The following FAM168A variants were observed in gnomAD, a reference collection of about 807,000 sequenced individuals.
FAM168A encodes the protein protein FAM168A.
Under a neutral mutation model 28.5 loss-of-function variants are expected in FAM168A, and 3 were observed. The ratio of observed to expected loss-of-function variants is 0.11; its 90% CI spans 0.05 to 0.27. The LOEUF (loss-of-function observed/expected upper bound fraction) is 0.27. Among genes scored for constraint, FAM168A ranks in the 10% least tolerant of loss-of-function variants. The pLI, the probability that FAM168A is intolerant of heterozygous loss-of-function variation, is 1.00. For synonymous variants in FAM168A, 122 were observed against 124.2 expected, an observed-to-expected ratio of 0.98 and a Z score of 0.12; for missense variants, 222 against 311.5, an observed-to-expected ratio of 0.71 and a Z score of 2.16.
chr11:73,494,661 T>C (rs1229882145), intron 1 of FAM168A, among the ~76,000 whole-genome samples: 1 of 151,912 alleles, frequency 6.6e-6, no homozygotes, highest in Non-Finnish European at 1.5e-5. Context: ...AATGAAGAGG[T>C]AGATTCCTAG....
At chr11:73,470,035 C>G (rs1867791563) in intron 1 of FAM168A, among the ~76,000 whole-genome samples, 1 of 152,150 alleles carries the variant, frequency 6.6e-6, no homozygotes, top group South Asian at 2.1e-4. Context: ...CCTCAGCCTC[C>G]CGAGTAGCTG....
chr11:73,417,809 T>A (rs766246816), intron 4 of FAM168A, among the ~76,000 whole-genome samples: 2 of 152,104 alleles, frequency 1.3e-5, no homozygotes, highest in African/African-American at 2.4e-5. Context: ...TCCGCCCACC[T>A]CGGCCTCCCA....
At chr11:73,547,149 G>A (rs897650245) in intron 1 of FAM168A, among the ~76,000 whole-genome samples, 1 of 147,126 alleles carries the variant, frequency 6.8e-6, no homozygotes, top group East Asian at 2.1e-4. Flanking sequence ...GGAGGAGTAG[G>A]CAGAGGAAAA....
At chr11:73,449,412 G>A (rs765649525) in intron 2 of FAM168A, among the ~76,000 whole-genome samples, 4 of 152,154 alleles carry the variant, frequency 2.6e-5, no homozygotes, top group Non-Finnish European at 2.9e-5. Context: ...ATCTGGCACT[G>A]GATTTACTAG....
chr11:73,411,045 A>C (rs762566023), intron 5 of FAM168A, among the ~76,000 whole-genome samples: 1 of 152,226 alleles, frequency 6.6e-6, no homozygotes, highest in Non-Finnish European at 1.5e-5. Flanking sequence ...ACCTTGACCA[A>C]CCAATAGCTC....
chr11:73,503,943 C>A (rs1220684535), intron 1 of FAM168A, among the ~76,000 whole-genome samples: 1 of 152,168 alleles, frequency 6.6e-6, no homozygotes, highest in Non-Finnish European at 1.5e-5. Flanking sequence ...GGAAAACTGG[C>A]TGGCCATATG....
chr11:73,443,237 C>T (rs187337841), intron 2 of FAM168A, among the ~76,000 whole-genome samples: 125 of 151,888 alleles, frequency 8.2e-4, no homozygotes, highest in African/African-American at 2.7e-3. Context: ...AATACTTGAG[C>T]GACTGCCTTC....
At chr11:73,530,976 T>C (rs1943508107) in intron 1 of FAM168A, among the ~76,000 whole-genome samples, 1 of 152,086 alleles carries the variant, frequency 6.6e-6, no homozygotes, top group Non-Finnish European at 1.5e-5. Flanking sequence ...CTGGGCTCTA[T>C]GTTGGCTGTT....
chr11:73,428,071 T>C (rs11828904), intron 3 of FAM168A, among the ~76,000 whole-genome samples: 29,129 of 152,214 alleles, frequency 0.19, 4,118 homozygotes, highest in African/African-American at 0.4. Flanking sequence ...AGCACATCTA[T>C]CTGTGACCTT....
At position 73,598,082 on chromosome 11, in the gene FAM168A, A is replaced by C. The variant is rs1944458264; in HGVS notation, c.-178T>G. Reference sequence around the variant, plus strand: ...CTCCTCCTCAGCGACTCGGCTCTGAATCCTCTGCAGTAGCCGCCGAGGAGC... The same window carrying C: ...CTCCTCCTCAGCGACTCGGCTCTGACTCCTCTGCAGTAGCCGCCGAGGAGC... On this transcript the variant is annotated 5_prime_UTR_variant, in exon 1 of 8. Transcript: ENST00000356467. 6.6e-6 allele frequency: 1 copy of C among 151,658 alleles called. No homozygotes were observed. Among genetic ancestry groups the C allele is most frequent in the Non-Finnish European group, 1.5e-5 (1 of 67,952 alleles). 9.4% of individuals were successfully genotyped at this position (151,658 alleles called of 1,614,324 possible).
At chr11:73,483,021 G>A (rs1430386965) in intron 1 of FAM168A, among the ~76,000 whole-genome samples, 2 of 152,212 alleles carry the variant, frequency 1.3e-5, no homozygotes, top group Non-Finnish European at 2.9e-5. Context: ...ATTATTTGGC[G>A]CACCCAGCCA....
intron 1 of FAM168A, among the ~76,000 whole-genome samples, chr11:73,597,521 A>G (rs1031539773): frequency 6.6e-6 from 1 of 151,660 alleles, no homozygotes; most frequent in East Asian, 2.0e-4. Flanking sequence ...TCAGATCCCA[A>G]GCTGTCAACT....
At chr11:73,505,529 T>A (rs1470109691) in intron 1 of FAM168A, among the ~76,000 whole-genome samples, 1 of 152,156 alleles carries the variant, frequency 6.6e-6, no homozygotes, top group Non-Finnish European at 1.5e-5. Flanking sequence ...AGGAACACAA[T>A]TAGCAAATAG....
At chr11:73,487,629 C>A (rs1420275471) in intron 1 of FAM168A, among the ~76,000 whole-genome samples, 3 of 152,080 alleles carry the variant, frequency 2.0e-5, no homozygotes, top group African/African-American at 7.2e-5. Context: ...GTTATCTGAT[C>A]TCTCCTCCAC....
chr11:73,536,214 C>T (rs541946625), intron 1 of FAM168A, among the ~76,000 whole-genome samples: 2 of 152,218 alleles, frequency 1.3e-5, no homozygotes, highest in South Asian at 2.1e-4. Flanking sequence ...CCAAGAATCA[C>T]CAGATATACA....
intron 1 of FAM168A, among the ~76,000 whole-genome samples, chr11:73,479,176 G>A (rs989075609): frequency 1.3e-5 from 2 of 152,154 alleles, no homozygotes; most frequent in African/African-American, 4.8e-5. Context: ...TCCATGAAGT[G>A]ACCTTGAGAA....
intron 1 of FAM168A, among the ~76,000 whole-genome samples, chr11:73,540,429 AC>A (rs1181551123): frequency 1.3e-5 from 2 of 152,152 alleles, no homozygotes; most frequent in Non-Finnish European, 2.9e-5. Context: ...ATACCAAATT[AC>A]CTAATGGAAG....
At chr11:73,527,280 C>T (rs1375175512) in intron 1 of FAM168A, among the ~76,000 whole-genome samples, 2 of 152,052 alleles carry the variant, frequency 1.3e-5, no homozygotes, top group Non-Finnish European at 2.9e-5. Flanking sequence ...ACCAGCAGAC[C>T]ACATAAAACT....
At chr11:73,582,589 T>C (rs1944261208) in intron 1 of FAM168A, among the ~76,000 whole-genome samples, 1 of 152,166 alleles carries the variant, frequency 6.6e-6, no homozygotes, top group African/African-American at 2.4e-5. Context: ...CTTTCTACCA[T>C]CAAATAGTTA....
Sources: gnomAD v4.1 joint callset for allele counts (sites outside exome capture counted in the v4.1 genomes callset) on GRCh38, gnomAD v4.1.1 for gene constraint, MANE v1.5 for transcripts, NCBI Gene and HGNC (gene_info 2026-07-23, HGNC 2026-07-21) for gene names.